FNDC3B: variants seen among roughly 807,000 people sequenced by gnomAD.
FNDC3B encodes fibronectin type III domain-containing protein 3B.
FNDC3B carries 12 observed loss-of-function variants against 151.5 expected under a neutral mutation model. The observed-to-expected ratio is 0.08, with a 90% CI of 0.05 to 0.13. The LOEUF is 0.13. FNDC3B is among the 10% of genes least tolerant of loss of function. The pLI is 1.00. For synonymous variants in FNDC3B, 528 were observed against 549.0 expected (o/e 0.96, Z 0.54); for missense variants, 1,214 against 1,505.3 (o/e 0.81, Z 3.20).
intron 19 of FNDC3B, chr3:172,346,080 G>T: frequency 4.1e-6 from 1 of 241,640 alleles, no homozygotes; most frequent in Non-Finnish European, 7.9e-6. Flanking sequence ...AAAATATTTT[G>T]TCAACCAACT....
chr3:172,112,906 T>G (rs1466663764), intron 2 of FNDC3B, among the ~76,000 whole-genome samples: 1 of 152,202 alleles, frequency 6.6e-6, no homozygotes, highest in African/African-American at 2.4e-5. Flanking sequence ...ACTAGTTTGC[T>G]TGGTTGGCCA....
chr3:172,174,944 C>CCCACCCCCCCCCG (rs1553769249), intron 3 of FNDC3B, among the ~76,000 whole-genome samples: 1 of 50,654 alleles, frequency 2.0e-5, no homozygotes, highest in Non-Finnish European at 5.1e-5. Context: ...CCCCCCCCCC[C>CCCACCCCCCCCCG]CCAATACAAT....
In FNDC3B at chr3:172,169,705, C is replaced by A. The variant is rs373623557; in HGVS notation, c.187+36159C>A. ...GTCTCATTGGGAAGCATGTTACCTA[C>A]GAGTGAGTGAGAAAAGCTGCACAGG... On this transcript the variant is annotated intron_variant, in intron 3 of 25. Coordinates refer to ENST00000415807, the MANE Select transcript of FNDC3B (RefSeq NM_022763.4). 2.6e-5 allele frequency among the ~76,000 whole-genome samples: 4 copies of A among 152,172 alleles called. 1 individual carries two copies. In the South Asian group the frequency reaches 8.3e-4, roughly 32 times the overall value.
intron 3 of FNDC3B, among the ~76,000 whole-genome samples, chr3:172,152,578 C>CTTTTT (rs10662326): frequency 0.012 from 1,471 of 125,722 alleles, 52 homozygotes; most frequent in African/African-American, 0.032. Context: ...ATGGGAAGGG[C>CTTTTT]TTTTTTTTTT....
intron 1 of FNDC3B, among the ~76,000 whole-genome samples, chr3:172,061,255 T>C (rs981490849): frequency 2.7e-5 from 4 of 150,524 alleles, no homozygotes; most frequent in Admixed American, 6.6e-5. Flanking sequence ...TTTTTTGAGA[T>C]GGAGTCTCGC....
At chr3:172,378,973 A>T (rs1735296586) in intron 24 of FNDC3B, among the ~76,000 whole-genome samples, 1 of 152,200 alleles carries the variant, frequency 6.6e-6, no homozygotes, top group African/African-American at 2.4e-5. Context: ...TAATGGGATC[A>T]GGTACTGCAG....
intron 4 of FNDC3B, among the ~76,000 whole-genome samples, chr3:172,234,379 C>T (rs1333684260): frequency 6.6e-6 from 1 of 152,192 alleles, no homozygotes; most frequent in Admixed American, 6.5e-5. Flanking sequence ...GTACCCAGCA[C>T]ATAATAGGCA....
intron 3 of FNDC3B, among the ~76,000 whole-genome samples, chr3:172,209,873 G>T (rs1222279626): frequency 6.6e-6 from 1 of 152,270 alleles, no homozygotes; most frequent in Non-Finnish European, 1.5e-5. Flanking sequence ...TCCCATGCTC[G>T]TTGGTGCCCA....
intron 3 of FNDC3B, among the ~76,000 whole-genome samples, chr3:172,202,489 C>T (rs1308647974): frequency 1.3e-5 from 2 of 152,186 alleles, no homozygotes; most frequent in Non-Finnish European, 2.9e-5. Context: ...TCCCTCCCGT[C>T]CCCTGTTAGA....
In FNDC3B at chr3:172,379,497, C is replaced by T. The variant is rs564259598; in HGVS notation, c.3175+1061C>T. Among the ~76,000 whole-genome samples, 69 of 152,358 alleles carry T rather than the reference C, an allele frequency of 4.5e-4. 1 individual carries two copies. The highest frequency in any genetic ancestry group is 8.1e-4 in the Non-Finnish European group (55 of 68,028). On this transcript the variant is annotated intron_variant, in intron 24 of 25. Transcript: ENST00000415807. The stretch of plus-strand genomic sequence containing the variant: ...TTGGATTCTACGAACCTCATAGCTC[C>T]TTTCAGGATTAGTTTAGGGTAAATA...
chr3:172,176,176 A>C (rs1723584500), intron 3 of FNDC3B, among the ~76,000 whole-genome samples: 1 of 152,214 alleles, frequency 6.6e-6, no homozygotes, highest in Non-Finnish European at 1.5e-5. Flanking sequence ...AATTAATAGA[A>C]GAGCCCTTCA....
At chr3:172,353,218 C>T (rs1008145442) in intron 22 of FNDC3B, 135 bp downstream of exon 22, 10 of 846,088 alleles carry the variant, frequency 1.2e-5, no homozygotes, top group Non-Finnish European at 1.8e-5. Flanking sequence ...AGTATTGTCT[C>T]ACCTTGATCC....
intron 13 of FNDC3B, among the ~76,000 whole-genome samples, chr3:172,331,091 C>T (rs1732634863): frequency 1.3e-5 from 2 of 152,168 alleles, no homozygotes; most frequent in African/African-American, 4.8e-5. Flanking sequence ...GGATTATAGC[C>T]TCTTAATATT....
intron 3 of FNDC3B, among the ~76,000 whole-genome samples, chr3:172,190,890 A>G (rs1724473992): frequency 6.6e-6 from 1 of 152,190 alleles, no homozygotes; most frequent in South Asian, 2.1e-4. Flanking sequence ...GCTGGTCTCG[A>G]ATTCCTGACC....
In FNDC3B at chr3:172,313,634, G is replaced by A. The variant is rs148175413; in HGVS notation, c.1254+2753G>A. Among the ~76,000 whole-genome samples, 53 of 152,290 alleles carry A rather than the reference G, an allele frequency of 3.5e-4. No individual in the cohort carries two copies. In the East Asian group the frequency reaches 7.5e-3, roughly 22 times the overall value. Reference sequence around the variant, plus strand: ...AGCTGTGATAGCTGAAAAAGCAAACGTACGCCTATCCTCTTGTGCTTTTAA... The same window carrying A: ...AGCTGTGATAGCTGAAAAAGCAAACATACGCCTATCCTCTTGTGCTTTTAA... On this transcript the variant is annotated intron_variant, in intron 11 of 25. Coordinates refer to ENST00000415807, the MANE Select transcript of FNDC3B (RefSeq NM_022763.4).
Position 172,330,781 on chromosome 3 carries a change from C to T in FNDC3B, c.1554+66C>T, listed in dbSNP as rs536267856. On this transcript the variant is annotated intron_variant, in intron 13 of 25. Transcript: ENST00000415807. ...AGTCAGTATTATTATAGCTACAGGGCACCATGAAATTAGATTAACTGCATC... is the reference window on the plus strand; with the variant it reads ...AGTCAGTATTATTATAGCTACAGGGTACCATGAAATTAGATTAACTGCATC... The T allele has an allele frequency of 4.1e-4, 524 of 1,291,800 alleles. 1 individual carries two copies. In the East Asian group the frequency reaches 6.5e-3, roughly 16 times the overall value. 80.0% of individuals were successfully genotyped at this position (1,291,800 alleles called of 1,614,324 possible).
intron 3 of FNDC3B, among the ~76,000 whole-genome samples, chr3:172,152,826 A>C (rs374713139): frequency 6.6e-6 from 1 of 152,164 alleles, no homozygotes; most frequent in East Asian, 1.9e-4. Flanking sequence ...ATGTTGGTTT[A>C]CATGAGGATT....
intron 10 of FNDC3B, among the ~76,000 whole-genome samples, chr3:172,309,397 T>C (rs1231407454): frequency 6.6e-6 from 1 of 152,148 alleles, no homozygotes; most frequent in Admixed American, 6.5e-5. Context: ...ATTAAGGGAC[T>C]AGTAGTGGGG....
At chr3:172,314,151 G>A (rs913245460) in intron 11 of FNDC3B, among the ~76,000 whole-genome samples, 11 of 152,146 alleles carry the variant, frequency 7.2e-5, no homozygotes, top group Admixed American at 2.6e-4. Flanking sequence ...AGGCAGTGAG[G>A]CAGGAGAATG....
Sources: allele counts gnomAD v4.1 joint callset (sites outside exome capture counted in the v4.1 genomes callset), GRCh38; gene constraint gnomAD v4.1.1; transcripts MANE v1.5; gene names NCBI Gene and HGNC (gene_info 2026-07-23, HGNC 2026-07-21).